MTAP: variants seen among roughly 807,000 people sequenced by gnomAD.
MTAP encodes the protein S-methyl-5'-thioadenosine phosphorylase.
MTAP carries 33 observed loss-of-function variants against 33.6 expected under a neutral mutation model. That is an observed-to-expected ratio of 0.98 (90% confidence interval 0.74 to 1.31). MTAP has a LOEUF of 1.31. Among genes scored for constraint, MTAP ranks in the 40% most tolerant of loss-of-function variants. The pLI is 0.00. For synonymous variants in MTAP, 148 were observed against 125.7 expected, an observed-to-expected ratio of 1.18 and a Z score of -1.19; for missense variants, 367 against 360.0, an observed-to-expected ratio of 1.02 and a Z score of -0.16.
chr9:21,917,509 C>T (rs753509649), intron 1 of MTAP, among the ~76,000 whole-genome samples: 7 of 152,178 alleles, frequency 4.6e-5, no homozygotes, highest in Non-Finnish European at 1.0e-4. Context: ...TGTCACTAAT[C>T]ATCAGGGAAA....
At chr9:21,932,076 AC>A (rs1316782279), downstream of MTAP, 16 of 152,210 alleles carry the variant, frequency 1.1e-4, no homozygotes, top group African/African-American at 3.6e-4. Context: ...TGATAATGGA[AC>A]TAAAAATGTA....
intron 1 of MTAP, among the ~76,000 whole-genome samples, chr9:21,913,408 A>C (rs905079075): frequency 6.6e-6 from 1 of 152,234 alleles, no homozygotes; most frequent in Non-Finnish European, 1.5e-5. Flanking sequence ...CCAAAACAGC[A>C]TGGTACTGGT....
Position 21,862,263 on chromosome 9 carries a change from G to GAA in MTAP, c.*257_*258dup. On this transcript the variant is annotated 3_prime_UTR_variant, in exon 8 of 8. Coordinates refer to ENST00000644715, the MANE Select transcript of MTAP (RefSeq NM_002451.4). ...GGAAAAAATATTACATTTTAAGGGGGAAAAAAAAACCCACCATTCTCTTCT... is the reference window on the plus strand; with the variant it reads ...GGAAAAAATATTACATTTTAAGGGGGAAAAAAAAAAACCCACCATTCTCTTCT... 1 of 890,078 alleles carries GAA rather than the reference G, an allele frequency of 1.1e-6. No individual in the cohort carries two copies. Among genetic ancestry groups the GAA allele is most frequent in the Non-Finnish European group, 1.5e-6 (1 of 679,546 alleles). 55.1% of individuals were successfully genotyped at this position (890,078 alleles called of 1,614,324 possible).
At chr9:21,883,932 T>C (rs764339611) in intron 1 of MTAP, among the ~76,000 whole-genome samples, 1 of 151,976 alleles carries the variant, frequency 6.6e-6, no homozygotes, top group Non-Finnish European at 1.5e-5. Context: ...GAAGGTCATG[T>C]GGGAGCTTTG....
chr9:21,886,353 C>T (rs528227653), intron 1 of MTAP, among the ~76,000 whole-genome samples: 1 of 152,138 alleles, frequency 6.6e-6, no homozygotes, highest in African/African-American at 2.4e-5. Context: ...GGATATTAGT[C>T]TTTTGTCAGA....
intron 4 of MTAP, among the ~76,000 whole-genome samples, chr9:21,824,388 A>G (rs201551480): frequency 6.6e-6 from 1 of 152,160 alleles, no homozygotes; most frequent in Non-Finnish European, 1.5e-5. Flanking sequence ...GTTTGCCTGG[A>G]TATCAGCAGT....
At chr9:21,873,133 G>A (rs1235306270) in intron 1 of MTAP, among the ~76,000 whole-genome samples, 1 of 152,132 alleles carries the variant, frequency 6.6e-6, no homozygotes, top group African/African-American at 2.4e-5. Context: ...ACCTAGGATG[G>A]AAGGGATTTG....
At chr9:21,925,356 A>G (rs1463828817) in intron 1 of MTAP, among the ~76,000 whole-genome samples, 1 of 152,158 alleles carries the variant, frequency 6.6e-6, no homozygotes, top group Non-Finnish European at 1.5e-5. Flanking sequence ...ATTTGGAGGA[A>G]ACTCTAAAAA....
chr9:21,867,529 C>T (rs1170700989), downstream of MTAP, among the ~76,000 whole-genome samples: 2 of 151,990 alleles, frequency 1.3e-5, no homozygotes, highest in African/African-American at 4.8e-5. Context: ...GATATGTTAT[C>T]CCCTTTATAT....
intron 1 of MTAP, among the ~76,000 whole-genome samples, chr9:21,910,009 C>G (rs1389395640): frequency 6.6e-6 from 1 of 152,068 alleles, no homozygotes; most frequent in Non-Finnish European, 1.5e-5. Flanking sequence ...TAAATTGCAC[C>G]AGGGAACTCT....
At chr9:21,888,477 T>C (rs778817736) in intron 1 of MTAP, among the ~76,000 whole-genome samples, 7 of 152,178 alleles carry the variant, frequency 4.6e-5, no homozygotes, top group Non-Finnish European at 1.0e-4. Flanking sequence ...CTAGTAGTAA[T>C]TGTTTTATAA....
At chr9:21,849,959 C>T (rs532020110) in intron 5 of MTAP, among the ~76,000 whole-genome samples, 1 of 152,352 alleles carries the variant, frequency 6.6e-6, no homozygotes, top group African/African-American at 2.4e-5. Context: ...AAGCAATTTG[C>T]CTTCAGCTGG....
intron 6 of MTAP, among the ~76,000 whole-genome samples, chr9:21,855,419 AG>A (rs1452662409): frequency 6.6e-6 from 1 of 152,230 alleles, no homozygotes; most frequent in East Asian, 1.9e-4. Flanking sequence ...GTGAGGTACA[AG>A]GGTACACTAG....
At chr9:21,809,469 C>G (rs997740308) in intron 1 of MTAP, among the ~76,000 whole-genome samples, 2 of 151,744 alleles carry the variant, frequency 1.3e-5, no homozygotes, top group African/African-American at 2.4e-5. Context: ...GAAACCCCGT[C>G]TCTACTAAAA....
chr9:21,909,792 C>T (rs1818540087), intron 1 of MTAP, among the ~76,000 whole-genome samples: 1 of 152,154 alleles, frequency 6.6e-6, no homozygotes, highest in Non-Finnish European at 1.5e-5. Flanking sequence ...TTTATTCTCA[C>T]AATACATTGT....
chr9:21,869,694 A>C (rs986114306), downstream of MTAP, among the ~76,000 whole-genome samples: 2 of 152,028 alleles, frequency 1.3e-5, no homozygotes, highest in African/African-American at 4.8e-5. Context: ...AACCAGGAAA[A>C]ATTTATTTAC....
rs146521543 is a variant in MTAP, at chr9:21,816,796, A to G, written c.179+24A>G. ...AGGTATGGTATTTTAAGCTTTTTGG[A>G]TGTTACTACTAAAGGATAATTTAAA... On this transcript the variant is annotated intron_variant, in intron 3 of 7. Coordinates refer to ENST00000644715, the MANE Select transcript of MTAP (RefSeq NM_002451.4). 522 of 1,578,624 alleles carry G rather than the reference A, an allele frequency of 3.3e-4. 2 individuals are homozygous for G. The African/African-American group carries it at 6.3e-3, about 19-fold the overall frequency.
chr9:21,882,682 A>G (rs1415266103), intron 1 of MTAP, among the ~76,000 whole-genome samples: 1 of 152,082 alleles, frequency 6.6e-6, no homozygotes, highest in African/African-American at 2.4e-5. Context: ...ATCTCTATAC[A>G]TTCTTTCAAG....
chr9:21,934,446 A>G (rs1166291551), downstream of MTAP: 2 of 152,170 alleles, frequency 1.3e-5, no homozygotes, highest in Non-Finnish European at 2.9e-5. The surrounding 1 kb of genome is among the most constrained non-coding windows in gnomAD (Gnocchi z 5.0). Context: ...AGTTTGTTGG[A>G]TTAACTAAAG....
Sources: gnomAD v4.1 joint callset for allele counts (sites outside exome capture counted in the v4.1 genomes callset) on GRCh38, gnomAD v4.1.1 for gene constraint, Gnocchi (gnomAD v3.1) non-coding constraint, MANE v1.5 for transcripts, NCBI Gene and HGNC (gene_info 2026-07-23, HGNC 2026-07-21) for gene names.